SHISA9: variants seen among roughly 807,000 people sequenced by gnomAD.
SHISA9 encodes the protein shisa family member 9.
In SHISA9, 13 loss-of-function variants were observed where a neutral mutation model predicts 38.0. The ratio of observed to expected loss-of-function variants is 0.34; its 90% CI spans 0.22 to 0.54. SHISA9 has a LOEUF of 0.54. Among genes scored for constraint, SHISA9 ranks in the 20% least tolerant of loss-of-function variants. SHISA9 has a pLI of 0.91. For missense variants in SHISA9, 538 were observed against 575.8 expected (o/e 0.93, Z 0.67); for synonymous variants, 275 against 242.0 (o/e 1.14, Z -1.27).
chr16:13,540,815 C>CT, the SHISA9 span, among the ~76,000 whole-genome samples: 1 of 152,210 alleles, frequency 6.6e-6, no homozygotes, highest in Non-Finnish European at 1.5e-5. Context: ...ATTATTACTG[C>CT]TACCCCCATT....
chr16:12,943,812 T>C (rs2071654512), intron 2 of SHISA9, among the ~76,000 whole-genome samples: 1 of 152,218 alleles, frequency 6.6e-6, no homozygotes, highest in Admixed American at 6.5e-5. Flanking sequence ...GATCCTATTT[T>C]ACAGATTAAT....
intron 2 of SHISA9, among the ~76,000 whole-genome samples, chr16:13,008,633 T>TCCTCCCTCCCTC (rs1255250360): frequency 4.4e-5 from 4 of 90,060 alleles, no homozygotes; most frequent in Non-Finnish European, 9.0e-5. Flanking sequence ...TCTCCCTCTC[T>TCCTCCCTCCCTC]CCTCCCTCCC....
chr16:13,152,894 A>G (rs2050511902), intron 2 of SHISA9, among the ~76,000 whole-genome samples: 1 of 152,226 alleles, frequency 6.6e-6, no homozygotes, highest in Non-Finnish European at 1.5e-5. Flanking sequence ...TAATCAGTTG[A>G]CTTTAAAGAG....
the SHISA9 span, among the ~76,000 whole-genome samples, chr16:13,531,897 A>G: frequency 6.6e-6 from 1 of 152,222 alleles, no homozygotes; most frequent in East Asian, 1.9e-4. Flanking sequence ...GTACTCGAGC[A>G]CTTTCATACC....
chr16:13,115,552 C>A (rs772071420), intron 2 of SHISA9, among the ~76,000 whole-genome samples: 19 of 152,326 alleles, frequency 1.2e-4, no homozygotes, highest in Non-Finnish European at 2.8e-4. Context: ...GCCCTCATTC[C>A]CTTAAACCCA....
At position 12,916,688 on chromosome 16, in the gene SHISA9, G is replaced by T; in HGVS notation, c.564G>T (p.Arg188Ser). ...AHRPQREHMS[R>S]ALADVMRPQG... ...AGATTTAAATTCTTTCTTCTTTCAG[G>T]GCCCTTGCGGATGTCATGAGACCAC... Residue 188 changes from arginine to serine, a missense_variant and splice_region_variant, in exon 2 of 5, where the codon AGG (arginine) becomes AGT (serine). Physicochemically the swap from Arg to Ser is moderately radical, Grantham distance 110. This residue lies in a region of SHISA9 where 88 missense variants were observed against 109.7 expected (regional missense o/e 0.80). Transcript: ENST00000558583. 3 of 1,548,366 alleles carry T rather than the reference G, an allele frequency of 1.9e-6. No homozygotes were observed. The highest frequency in any genetic ancestry group is 2.6e-6 in the Non-Finnish European group (3 of 1,145,874).
chr16:13,193,960 G>A (rs1706815083), intron 2 of SHISA9, among the ~76,000 whole-genome samples: 1 of 152,076 alleles, frequency 6.6e-6, no homozygotes, highest in Non-Finnish European at 1.5e-5. Flanking sequence ...GAGGAAGCAG[G>A]ACAAGAGACT....
At chr16:13,291,924 A>G in the SHISA9 span, among the ~76,000 whole-genome samples, 4 of 152,072 alleles carry the variant, frequency 2.6e-5, no homozygotes, top group African/African-American at 9.7e-5. Flanking sequence ...TAGGGAGAAA[A>G]CAGTGTTTTT....
chr16:12,902,436 C>T lies in SHISA9; in HGVS notation c.372C>T (p.Asp124=), dbSNP rs916781337. The T allele has an allele frequency of 9.7e-6, 15 of 1,551,394 alleles. No homozygotes were observed. In the South Asian group the frequency reaches 1.5e-4, roughly 16 times the overall value. Residue 124 remains aspartate (D), a synonymous_variant, in exon 1 of 5, where the codon GAC becomes GAT. Transcript: ENST00000558583. The part of the protein sequence containing the change: ...RLNQSTCTNY[D]TPLWLNTGKP... ...ACCAAAGCACCTGCACCAACTACGA[C>T]ACGCCGCTCTGGCTCAACACCGGCA...
the SHISA9 span, among the ~76,000 whole-genome samples, chr16:13,431,172 G>C: frequency 3.3e-5 from 5 of 152,140 alleles, no homozygotes; most frequent in African/African-American, 1.2e-4. Flanking sequence ...CCTTGAATTT[G>C]ACCTCCCCTC....
the SHISA9 span, among the ~76,000 whole-genome samples, chr16:13,382,256 A>G: frequency 6.6e-6 from 1 of 152,196 alleles, no homozygotes; most frequent in Admixed American, 6.5e-5. Context: ...GACTGGGCAC[A>G]GTGGCTCATG....
chr16:13,539,312 ATATATAAAGACAGGATCTT>A, the SHISA9 span, among the ~76,000 whole-genome samples: 1,272 of 53,008 alleles, frequency 0.024, 162 homozygotes, highest in African/African-American at 0.041. Context: ...ACATATATAT[ATATATAAAGACAGGATCTT>A]TATATATATA....
chr16:13,013,371 TTGTC>T (rs2072702266), intron 2 of SHISA9, among the ~76,000 whole-genome samples: 3 of 152,262 alleles, frequency 2.0e-5, no homozygotes, highest in Admixed American at 2.0e-4. Flanking sequence ...TTAGAGGTGT[TTGTC>T]TGTGATATTC....
At chr16:12,949,583 A>C (rs1043348641) in intron 2 of SHISA9, among the ~76,000 whole-genome samples, 3 of 152,224 alleles carry the variant, frequency 2.0e-5, no homozygotes, top group African/African-American at 7.2e-5. Context: ...CTGGATTTTG[A>C]AGGCTTAGTT....
At chr16:13,356,552 A>G in the SHISA9 span, among the ~76,000 whole-genome samples, 2 of 152,090 alleles carry the variant, frequency 1.3e-5, no homozygotes, top group African/African-American at 4.8e-5. Flanking sequence ...GGAGGTGATA[A>G]AAAGATTATA....
chr16:13,407,655 T>G, the SHISA9 span, among the ~76,000 whole-genome samples: 1 of 152,222 alleles, frequency 6.6e-6, no homozygotes, highest in Non-Finnish European at 1.5e-5. Context: ...AGGGGATGAA[T>G]TTGTATTGCT....
chr16:12,951,343 G>C (rs905633419), intron 2 of SHISA9, among the ~76,000 whole-genome samples: 3 of 151,900 alleles, frequency 2.0e-5, no homozygotes, highest in African/African-American at 7.3e-5. Context: ...ATCACTGGGG[G>C]GTAGAAGTCG....
At chr16:13,255,389 C>G in the SHISA9 span, among the ~76,000 whole-genome samples, 1 of 152,318 alleles carries the variant, frequency 6.6e-6, no homozygotes, top group East Asian at 1.9e-4. Flanking sequence ...CTCTTGCCCT[C>G]TATCTTTGGG....
At chr16:13,334,599 C>A in the SHISA9 span, among the ~76,000 whole-genome samples, 1 of 151,680 alleles carries the variant, frequency 6.6e-6, no homozygotes, top group East Asian at 1.9e-4. Flanking sequence ...ATGGTGAAAC[C>A]CCGTCTCTAC....
Sources: gnomAD v4.1 joint callset for allele counts (sites outside exome capture counted in the v4.1 genomes callset) on GRCh38, gnomAD v4.1.1 for gene constraint, gnomAD v4.1.1 regional missense constraint, MANE v1.5 for transcripts, NCBI Gene and HGNC (gene_info 2026-07-23, HGNC 2026-07-21) for gene names.